FYB1: variants seen among roughly 807,000 people sequenced by gnomAD.
The protein encoded by FYB1 is FYN binding protein 1, also known as FYN-binding protein 1.
A neutral mutation model predicts 94.1 loss-of-function variants in FYB1; 41 were observed. The ratio of observed to expected loss-of-function variants is 0.44; its 90% CI spans 0.34 to 0.57. FYB1 has a LOEUF of 0.57. FYB1 is among the 20% of genes least tolerant of loss of function. The pLI is 0.02. For missense variants in FYB1, 1,050 were observed against 976.8 expected, an observed-to-expected ratio of 1.07 and a Z score of -1.00; for synonymous variants, 367 against 353.2, an observed-to-expected ratio of 1.04 and a Z score of -0.44.
chr5:39,147,478 GTGTGTGTGTC>G (rs1442364814), intron 3 of FYB1, among the ~76,000 whole-genome samples: 1 of 150,738 alleles, frequency 6.6e-6, no homozygotes, highest in Non-Finnish European at 1.5e-5. Flanking sequence ...GTGTGTGTGT[GTGTGTGTGTC>G]TGTGTGTGTG....
intron 2 of FYB1, among the ~76,000 whole-genome samples, chr5:39,186,079 C>T (rs763458702): frequency 1.3e-5 from 2 of 152,030 alleles, no homozygotes; most frequent in Non-Finnish European, 2.9e-5. Flanking sequence ...TTCCCTCAAG[C>T]GGGCTGCACA....
chr5:39,166,451 AAG>A (rs1489070967), intron 2 of FYB1, among the ~76,000 whole-genome samples: 1 of 151,764 alleles, frequency 6.6e-6, no homozygotes, highest in Non-Finnish European at 1.5e-5. Flanking sequence ...AAAAAAAAAA[AAG>A]AAATAAAGAT....
In FYB1 at chr5:39,119,612, C is replaced by T. The variant is rs1429761178; in HGVS notation, c.2161G>A (p.Ala721Thr). The change falls in exon 15 of 19, where the codon GCT becomes ACT. Residue 721 changes from alanine to threonine, a missense_variant. Transcript: ENST00000512982. ...TTAAGGTCCTTTTCTTCTGTCTTAG[C>T]TTTTCCAACATTAGTTCCTTGACTA... is the stretch of plus-strand genomic sequence containing the variant. ...EMSQGTNVGK[A>T]KTEEKDLKKL... is the part of the protein sequence containing the mutation. 6.5e-6 allele frequency: 10 copies of T among 1,543,624 alleles called. No individual in the cohort carries two copies. Among genetic ancestry groups the T allele is most frequent in the Non-Finnish European group, 8.7e-6 (10 of 1,144,318 alleles).
intron 1 of FYB1, among the ~76,000 whole-genome samples, chr5:39,233,026 A>T (rs1323707940): frequency 6.6e-6 from 1 of 152,058 alleles, no homozygotes; most frequent in Non-Finnish European, 1.5e-5. Flanking sequence ...CGCAAGAAAC[A>T]TACGTGTGCA....
intron 2 of FYB1, among the ~76,000 whole-genome samples, chr5:39,193,467 A>T (rs1327035142): frequency 6.6e-6 from 1 of 152,244 alleles, no homozygotes. Flanking sequence ...AGATAACATC[A>T]TGCATAAACT....
intron 1 of FYB1, among the ~76,000 whole-genome samples, chr5:39,246,680 C>T (rs1229520165): frequency 1.3e-5 from 2 of 152,098 alleles, no homozygotes; most frequent in African/African-American, 4.8e-5. Flanking sequence ...AGGTAGAGAA[C>T]AAGTCCAGGT....
chr5:39,144,709 C>T (rs1022130816), intron 3 of FYB1, among the ~76,000 whole-genome samples: 11 of 151,882 alleles, frequency 7.2e-5, no homozygotes, highest in Non-Finnish European at 1.2e-4. Context: ...GGCTGAGGCA[C>T]GAGAATCTAT....
chr5:39,216,065 GA>G (rs1396130749), intron 1 of FYB1, among the ~76,000 whole-genome samples: 1 of 152,110 alleles, frequency 6.6e-6, no homozygotes, highest in Non-Finnish European at 1.5e-5. Flanking sequence ...GAAGAGGCCA[GA>G]AACGAATCCT....
intron 13 of FYB1, among the ~76,000 whole-genome samples, chr5:39,122,816 A>G (rs1740256576): frequency 6.6e-6 from 1 of 152,078 alleles, no homozygotes; most frequent in African/African-American, 2.4e-5. Context: ...GATAATATAT[A>G]TCATCCTATT....
At chr5:39,207,447 G>A (rs1024198741) in intron 1 of FYB1, among the ~76,000 whole-genome samples, 6 of 152,172 alleles carry the variant, frequency 3.9e-5, no homozygotes, top group Non-Finnish European at 5.9e-5. Context: ...AAATGCTTTC[G>A]TTACAACCTC....
At chr5:39,174,777 T>G (rs574161618) in intron 2 of FYB1, among the ~76,000 whole-genome samples, 87 of 152,322 alleles carry the variant, frequency 5.7e-4, no homozygotes, top group Admixed American at 1.0e-3. Context: ...CATAAGCATC[T>G]TATTTTTGTT....
chr5:39,258,856 G>GA (rs1752091214), intron 1 of FYB1, among the ~76,000 whole-genome samples: 1 of 152,208 alleles, frequency 6.6e-6, no homozygotes. Context: ...ACAAGGCAAT[G>GA]AGTGAGACTG....
At chr5:39,183,669 A>G (rs933728213) in intron 2 of FYB1, among the ~76,000 whole-genome samples, 26 of 152,226 alleles carry the variant, frequency 1.7e-4, no homozygotes, top group Non-Finnish European at 3.5e-4. Context: ...ATGAGTTTCT[A>G]TAACAACTCA....
chr5:39,136,459 G>A (rs1054998510), intron 7 of FYB1, among the ~76,000 whole-genome samples: 2 of 152,152 alleles, frequency 1.3e-5, no homozygotes, highest in African/African-American at 4.8e-5. Context: ...TAAGTAAAAT[G>A]TTCTAATATT....
At chr5:39,213,059 T>A (rs1465772038) in intron 1 of FYB1, 1 of 151,842 alleles carries the variant, frequency 6.6e-6, no homozygotes, top group African/African-American at 2.4e-5. Flanking sequence ...TATACTCATA[T>A]AATTATCAAG....
chr5:39,164,103 G>A (rs1472398555), intron 2 of FYB1, among the ~76,000 whole-genome samples: 1 of 152,142 alleles, frequency 6.6e-6, no homozygotes, highest in Non-Finnish European at 1.5e-5. Context: ...AGAGGCAATA[G>A]CACATCCTCA....
At chr5:39,204,849 G>A (rs992680908) in intron 1 of FYB1, among the ~76,000 whole-genome samples, 2 of 152,202 alleles carry the variant, frequency 1.3e-5, no homozygotes, top group African/African-American at 4.8e-5. Flanking sequence ...CTTGAATTTT[G>A]TAACTTTAAT....
intron 2 of FYB1, among the ~76,000 whole-genome samples, chr5:39,178,768 G>T (rs897649849): frequency 1.3e-5 from 2 of 152,130 alleles, no homozygotes; most frequent in Non-Finnish European, 2.9e-5. Context: ...AATATCACCT[G>T]GGAAATTAAC....
At chr5:39,108,367 A>G (rs1738728227) in intron 17 of FYB1, 105 bp from the exon 18 acceptor site, 1 of 1,013,724 alleles carries the variant, frequency 9.9e-7, no homozygotes, top group Non-Finnish European at 1.4e-6. Context: ...AGACACAATT[A>G]AGACTTTTAA....
Sources: gnomAD v4.1 joint callset for allele counts (sites outside exome capture counted in the v4.1 genomes callset) on GRCh38, gnomAD v4.1.1 for gene constraint, MANE v1.5 for transcripts, NCBI Gene and HGNC (gene_info 2026-07-23, HGNC 2026-07-21) for gene names.